Variants in CACNA2D3 observed in about 807,000 individuals in gnomAD.
The protein encoded by CACNA2D3 is voltage-dependent calcium channel subunit alpha-2/delta-3.
A neutral mutation model predicts 160.6 loss-of-function variants in CACNA2D3; 60 were observed. The observed-to-expected ratio is 0.37, with a 90% CI of 0.30 to 0.46. The LOEUF (loss-of-function observed/expected upper bound fraction) is 0.46, where lower values mean the gene tolerates loss of function less well. CACNA2D3 is among the 20% of genes least tolerant of loss of function. The pLI, the probability that CACNA2D3 is intolerant of heterozygous loss-of-function variation, is 1.00. For synonymous variants in CACNA2D3, 558 were observed against 492.9 expected, an observed-to-expected ratio of 1.13 and a Z score of -1.75; for missense variants, 1,205 against 1,365.0, an observed-to-expected ratio of 0.88 and a Z score of 1.85.
At chr3:54,520,894 T>G (rs551018207) in intron 5 of CACNA2D3, among the ~76,000 whole-genome samples, 107 of 152,362 alleles carry the variant, frequency 7.0e-4, no homozygotes, top group African/African-American at 2.5e-3. Context: ...CTTATTTCAC[T>G]TAGCACAATG....
chr3:54,889,983 G>A (rs2106864287), intron 24 of CACNA2D3, among the ~76,000 whole-genome samples: 1 of 152,300 alleles, frequency 6.6e-6, no homozygotes, highest in East Asian at 1.9e-4. Flanking sequence ...ATTTGGTGTA[G>A]GCTACAAGCA....
At chr3:54,173,678 T>C (rs1341592018) in intron 2 of CACNA2D3, among the ~76,000 whole-genome samples, 1 of 152,262 alleles carries the variant, frequency 6.6e-6, no homozygotes, top group African/African-American at 2.4e-5. Flanking sequence ...AAAGCACAGG[T>C]ACGTCTAAAA....
At chr3:54,434,187 A>G (rs914536390) in intron 4 of CACNA2D3, among the ~76,000 whole-genome samples, 5 of 152,246 alleles carry the variant, frequency 3.3e-5, no homozygotes, top group Non-Finnish European at 7.3e-5. Flanking sequence ...GCCCAGCATC[A>G]GCAAGACTGA....
intron 11 of CACNA2D3, among the ~76,000 whole-genome samples, chr3:54,692,174 A>C (rs1700584592): frequency 1.3e-5 from 2 of 152,114 alleles, no homozygotes; most frequent in African/African-American, 2.4e-5. Flanking sequence ...GGGTTTCACC[A>C]TGTTGGCCAG....
rs568265360 is a variant in CACNA2D3 at position 55,000,827 on chromosome 3, AT to A, written c.2691-3930del. ...CTGGACATTGGTTATCTTGGGCAGC[AT>A]TTTTTGTGACATTCCAATAAGACCC... On this transcript the variant is annotated intron_variant, in intron 31 of 37. Transcript: ENST00000474759. Among the ~76,000 whole-genome samples, 679 of 152,212 alleles carry A rather than the reference AT, an allele frequency of 4.5e-3. 5 individuals are homozygous for A. Among genetic ancestry groups the A allele is most frequent in the Non-Finnish European group, 7.9e-3 (540 of 68,018 alleles).
chr3:54,487,283 G>A (rs144070010), intron 4 of CACNA2D3, among the ~76,000 whole-genome samples: 11 of 152,220 alleles, frequency 7.2e-5, no homozygotes, highest in Middle Eastern at 3.4e-3. Flanking sequence ...TGGGAGCATC[G>A]CTTGAGCCCA....
chr3:54,169,663 G>A (rs527725198), intron 2 of CACNA2D3, among the ~76,000 whole-genome samples: 4 of 141,600 alleles, frequency 2.8e-5, no homozygotes, highest in East Asian at 2.0e-4. Context: ...ATGTGTGTGC[G>A]TGCGTGCTTG....
chr3:54,751,170 A>T (rs1701850580), intron 11 of CACNA2D3, among the ~76,000 whole-genome samples: 1 of 152,110 alleles, frequency 6.6e-6, no homozygotes, highest in South Asian at 2.1e-4. Flanking sequence ...TGTGACTCTG[A>T]TGGGAATGGT....
intron 5 of CACNA2D3, among the ~76,000 whole-genome samples, chr3:54,530,356 C>T (rs1701787943): frequency 6.6e-6 from 1 of 152,148 alleles, no homozygotes; most frequent in Non-Finnish European, 1.5e-5. Flanking sequence ...TTGATGAGCC[C>T]CGTGGAGCTG....
intron 31 of CACNA2D3, among the ~76,000 whole-genome samples, chr3:54,992,704 C>A (rs890798428): frequency 6.6e-6 from 1 of 151,706 alleles, no homozygotes; most frequent in Non-Finnish European, 1.5e-5. Context: ...ATGGGAGGGG[C>A]CCCCACCTTC....
At chr3:54,490,307 G>A (rs969613317) in intron 4 of CACNA2D3, among the ~76,000 whole-genome samples, 1 of 134,176 alleles carries the variant, frequency 7.5e-6, no homozygotes, top group African/African-American at 2.9e-5. Context: ...CCGAGACTCA[G>A]CAGTAAGCAC....
intron 29 of CACNA2D3, among the ~76,000 whole-genome samples, chr3:54,981,914 T>C (rs1702517372): frequency 6.6e-6 from 1 of 151,822 alleles, no homozygotes; most frequent in African/African-American, 2.4e-5. Flanking sequence ...ATAAGAAAGG[T>C]AAAGGAGAGA....
At chr3:54,346,823 T>C (rs1277281437) in intron 3 of CACNA2D3, among the ~76,000 whole-genome samples, 1 of 152,214 alleles carries the variant, frequency 6.6e-6, no homozygotes, top group Non-Finnish European at 1.5e-5. Flanking sequence ...CCTAAAAATC[T>C]GCTGTGCTCT....
intron 3 of CACNA2D3, chr3:54,386,060 C>A (rs1229238753): frequency 2.3e-6 from 1 of 441,906 alleles, no homozygotes; most frequent in Non-Finnish European, 4.5e-6. Context: ...AAATGGGTTT[C>A]ATAAGAATAT....
rs1045006524 is a variant in CACNA2D3, at chr3:54,434,339, C to T, written c.381+47565C>T. On this transcript the variant is annotated intron_variant, in intron 4 of 37. Coordinates refer to ENST00000474759, the MANE Select transcript of CACNA2D3 (RefSeq NM_018398.3). Reference sequence around the variant, plus strand: ...GCTATCAACATTCCTTCTCCTATGCCGATGAGGAGCTGGACCTCCACACCC... The same window carrying T: ...GCTATCAACATTCCTTCTCCTATGCTGATGAGGAGCTGGACCTCCACACCC... 6.0e-4 allele frequency among the ~76,000 whole-genome samples: 91 copies of T among 152,120 alleles called. 1 individual carries two copies. The highest frequency in any genetic ancestry group is 5.6e-3 in the Admixed American group (86 of 15,274).
At chr3:54,290,124 C>T (rs1284354333) in intron 2 of CACNA2D3, among the ~76,000 whole-genome samples, 2 of 151,874 alleles carry the variant, frequency 1.3e-5, no homozygotes, top group East Asian at 3.9e-4. Context: ...AACAGGCAAC[C>T]TACAAAATGG....
At chr3:54,331,721 A>G (rs933550407) in intron 3 of CACNA2D3, among the ~76,000 whole-genome samples, 7 of 152,210 alleles carry the variant, frequency 4.6e-5, no homozygotes, top group Non-Finnish European at 1.0e-4. Flanking sequence ...TTTCTTTTTT[A>G]AAGTTCCTGA....
At chr3:54,424,275 G>C (rs1699881192) in intron 4 of CACNA2D3, among the ~76,000 whole-genome samples, 1 of 152,216 alleles carries the variant, frequency 6.6e-6, no homozygotes, top group South Asian at 2.1e-4. Flanking sequence ...AGAGGCAGGA[G>C]CCCCTGGGGT....
intron 11 of CACNA2D3, among the ~76,000 whole-genome samples, chr3:54,719,012 A>G (rs1035510377): frequency 1.3e-4 from 20 of 151,988 alleles, no homozygotes; most frequent in Admixed American, 1.2e-3. Context: ...GATTTTGCCA[A>G]GTTCACTTAC....
Sources: gnomAD v4.1 joint callset for allele counts (sites outside exome capture counted in the v4.1 genomes callset) on GRCh38, gnomAD v4.1.1 for gene constraint, MANE v1.5 for transcripts, NCBI Gene and HGNC (gene_info 2026-07-23, HGNC 2026-07-21) for gene names.